The following CXCL1 variants were observed in gnomAD, a reference collection of about 807,000 sequenced individuals.
The protein encoded by CXCL1 is growth-regulated alpha protein.
In CXCL1, 9 loss-of-function variants were observed where a neutral mutation model predicts 11.7. That is an observed-to-expected ratio of 0.77 (90% confidence interval 0.46 to 1.34). The LOEUF is 1.34. CXCL1 is among the 40% of genes most tolerant of loss of function. The pLI is 0.00. For missense variants in CXCL1, 146 were observed against 138.1 expected (o/e 1.06, Z -0.29); for synonymous variants, 78 against 59.1 (o/e 1.32, Z -1.47).
In CXCL1 at chr4:73,869,891, C is replaced by T. The variant is rs202073353; in HGVS notation, c.225-15C>T. 33 of 1,614,184 alleles carry T rather than the reference C, an allele frequency of 2.0e-5. No homozygotes were observed. Among genetic ancestry groups the T allele is most frequent in the Non-Finnish European group, 2.8e-5 (33 of 1,180,026 alleles). ...GCCCGACCTCCTGCCTCACGAGATT[C>T]CCTTCCCTCTGCAGAGCCACACTCA... On this transcript the variant is annotated splice_polypyrimidine_tract_variant and intron_variant, in intron 2 of 3. Coordinates refer to ENST00000395761, the MANE Select transcript of CXCL1 (RefSeq NM_001511.4).
rs905836320 is a variant in CXCL1 at position 73,869,546 on chromosome 4, G to A, written c.76G>A (p.Val26Ile). 6.2e-7 allele frequency: 1 copy of A among 1,608,730 alleles called. No individual in the cohort carries two copies. The highest frequency in any genetic ancestry group is 1.3e-5 in the African/African-American group (1 of 74,824). Reference sequence around the variant, plus strand: ...AGTGGCACTGCTGCTCCTGCTCCTGGTAGCCGCTGGCCGGCGCGCAGCAGG... The same window carrying A: ...AGTGGCACTGCTGCTCCTGCTCCTGATAGCCGCTGGCCGGCGCGCAGCAGG... The part of the protein sequence containing the change: ...LRVALLLLLL[V>I]AAGRRAAGAS... Residue 26 changes from valine (V) to isoleucine (I), a missense_variant, in exon 1 of 4, where the codon GTA (valine) becomes ATA (isoleucine). Val to Ile is a conservative substitution (Grantham distance 29, BLOSUM62 3). Transcript: ENST00000395761.
rs773967165 is a variant in CXCL1, at chr4:73,870,533, C to T, written c.321C>T (p.Asn107=). 4.3e-6 allele frequency: 7 copies of T among 1,613,756 alleles called. No individual in the cohort carries two copies. Among genetic ancestry groups the T allele is most frequent in the Non-Finnish European group, 5.1e-6 (6 of 1,179,844 alleles). ...TTTCTCATTGCAGTGACAAATCCAA[C>T]TGACCAGAAGGGAGGAGGAAGCTCA... The part of the protein sequence containing the change: ...IEKMLNSDKS[N] Residue 107 remains asparagine, a synonymous_variant, in exon 4 of 4, where the codon AAC becomes AAT. Coordinates refer to ENST00000395761, the MANE Select transcript of CXCL1 (RefSeq NM_001511.4).
chr4:73,870,491 C>T (rs1377600526), intron 3 of CXCL1, 30 bp from the exon 4 acceptor site: 1 of 1,613,732 alleles, frequency 6.2e-7, no homozygotes, highest in Admixed American at 1.7e-5. Flanking sequence ...TCCCGAGCAC[C>T]TACTCAGGGC....
chr4:73,869,823 C>A (rs201503086), intron 2 of CXCL1, 31 bp downstream of exon 2: 4 of 1,613,626 alleles, frequency 2.5e-6, no homozygotes, highest in East Asian at 2.2e-5. Context: ...CCTCTGCCAC[C>A]GCCGGGGTCC....
intron 3 of CXCL1, 100 bp downstream of exon 3, chr4:73,870,089 T>C: frequency 8.7e-7 from 1 of 1,154,486 alleles, no homozygotes; most frequent in Non-Finnish European, 1.3e-6. Context: ...CAGGGGTTAG[T>C]TGAAGGACTA....
Position 73,869,641 on chromosome 4 carries a change from C to T in CXCL1, c.101-28C>T, listed in dbSNP as rs201794779. 3.7e-6 allele frequency: 6 copies of T among 1,614,054 alleles called. No homozygotes were observed. In the South Asian group the frequency reaches 4.4e-5, roughly 12 times the overall value. On this transcript the variant is annotated intron_variant, in intron 1 of 3. Transcript: ENST00000395761. ...TAGGCACCCAGCGCCGACAGCCTCG[C>T]TCAGTCAGTGAGTCTCTTCTTCCCT... is the stretch of plus-strand genomic sequence containing the variant.
In CXCL1 at chr4:73,870,869, C is replaced by T; in HGVS notation, c.*333C>T. On this transcript the variant is annotated 3_prime_UTR_variant, in exon 4 of 4. Coordinates refer to ENST00000395761, the MANE Select transcript of CXCL1 (RefSeq NM_001511.4). ...AGGTAGAATGTTTTCAAATGTTCTC[C>T]AGTCATTATGTTAATATTTCTGAGG... 2 of 223,678 alleles carry T rather than the reference C, an allele frequency of 8.9e-6. 1 individual carries two copies. Among genetic ancestry groups the T allele is most frequent in the Non-Finnish European group, 1.8e-5 (2 of 111,274 alleles). The allele number at this position is 223,678 out of a possible 1,614,324, so 13.9% of individuals were successfully genotyped here. A position where few individuals can be genotyped will look rare whatever the true frequency, so the allele number is the denominator to read the frequency against.
In CXCL1 at chr4:73,870,711, A is replaced by T; in HGVS notation, c.*175A>T. ...ATTTATTTATTCATTAGTTTTGAAG[A>T]TTCTATGTTAATATTTTAGGTGTAA... On this transcript the variant is annotated 3_prime_UTR_variant, in exon 4 of 4. Coordinates refer to ENST00000395761, the MANE Select transcript of CXCL1 (RefSeq NM_001511.4). The T allele has an allele frequency of 1.5e-6, 1 of 677,408 alleles. No individual in the cohort carries two copies. Among genetic ancestry groups the T allele is most frequent in the East Asian group, 2.8e-5 (1 of 35,460 alleles). 42.0% of individuals were successfully genotyped at this position (677,408 alleles called of 1,614,324 possible).
intron 3 of CXCL1, chr4:73,870,247 C>G: frequency 1.6e-6 from 1 of 617,410 alleles, no homozygotes; most frequent in South Asian, 2.0e-5. Context: ...CATTTGAGGC[C>G]CAGTAGGACA....
intron 3 of CXCL1, 197 bp from the exon 4 acceptor site, chr4:73,870,324 C>CCCATA: frequency 1.6e-6 from 1 of 616,656 alleles, no homozygotes; most frequent in Non-Finnish European, 2.8e-6. Flanking sequence ...CACCCCACCC[C>CCCATA]CATTCCTAAA....
rs200382055 is a variant in CXCL1 at position 73,869,478 on chromosome 4, G to C, written c.8G>C (p.Arg3Pro). The C allele has an allele frequency of 8.3e-6, 13 of 1,564,442 alleles. No homozygotes were observed. The highest frequency in any genetic ancestry group is 1.1e-5 in the Non-Finnish European group (13 of 1,156,332). MARAALSAAPSNP... is the reference protein window; with the variant it reads MAPAALSAAPSNP... ...ACCCGCCTGCTGAGCCCCATGGCCC[G>C]CGCTGCTCTCTCCGCCGCCCCCAGC... The change falls in exon 1 of 4, where the codon CGC becomes CCC. Residue 3 changes from arginine to proline, a missense_variant. Arg to Pro is a moderately radical substitution (Grantham distance 103). Transcript: ENST00000395761.
Position 73,869,764 on chromosome 4 carries a change from G to C in CXCL1, c.196G>C (p.Gly66Arg), listed in dbSNP as rs1326063809. ...NIQSVNVKSP[G>R]PHCAQTEVIA... Reference sequence around the variant, plus strand: ...CCAAAGTGTGAACGTGAAGTCCCCCGGACCCCACTGCGCCCAAACCGAAGT... The same window carrying C: ...CCAAAGTGTGAACGTGAAGTCCCCCCGACCCCACTGCGCCCAAACCGAAGT... The change falls in exon 2 of 4, where the codon GGA becomes CGA. Residue 66 changes from glycine to arginine, a missense_variant. Coordinates refer to ENST00000395761, the MANE Select transcript of CXCL1 (RefSeq NM_001511.4). The C allele has an allele frequency of 1.9e-6, 3 of 1,613,850 alleles. No homozygotes were observed. The highest frequency in any genetic ancestry group is 2.7e-5 in the African/African-American group (2 of 74,902).
chr4:73,870,291 T>C lies in CXCL1; in HGVS notation c.309-230T>C, dbSNP rs573028021. 30 of 620,100 alleles carry C rather than the reference T, an allele frequency of 4.8e-5. 1 individual carries two copies. The highest frequency in any genetic ancestry group is 3.7e-4 in the African/African-American group (20 of 54,182). 38.4% of individuals were successfully genotyped at this position (620,100 alleles called of 1,614,324 possible). A position where few individuals can be genotyped will look rare whatever the true frequency, so the allele number is the denominator to read the frequency against. ...CAGGTTCTGGCTGTTTTTAATCCAA[T>C]AGTACAGTGGAGACCACCGCCCCAC... On this transcript the variant is annotated intron_variant, in intron 3 of 3. Transcript: ENST00000395761.
At position 73,869,715 on chromosome 4, in the gene CXCL1, G is replaced by T. The variant is rs1731894993; in HGVS notation, c.147G>T (p.Leu49=). The change falls in exon 2 of 4, where the codon CTG becomes CTT. Residue 49 remains leucine, a synonymous_variant. Transcript: ENST00000395761. ...TELRCQCLQT[L]QGIHPKNIQS... is the part of the protein sequence containing the mutation. Reference sequence around the variant, plus strand: ...TGCGCTGCCAGTGCTTGCAGACCCTGCAGGGAATTCACCCCAAGAACATCC... The same window carrying T: ...TGCGCTGCCAGTGCTTGCAGACCCTTCAGGGAATTCACCCCAAGAACATCC... 1.2e-6 allele frequency: 2 copies of T among 1,614,186 alleles called. No individual in the cohort carries two copies. The highest frequency in any genetic ancestry group is 1.1e-5 in the South Asian group (1 of 91,086).
rs1309038979 is a variant in CXCL1 at position 73,869,398 on chromosome 4, G to T, written c.-73G>T. ...TTCGCGGATCTCGGAGAGCCACAGAGCCCGGGCCGCAGGCACCTCCTCGCC... is the reference window on the plus strand; with the variant it reads ...TTCGCGGATCTCGGAGAGCCACAGATCCCGGGCCGCAGGCACCTCCTCGCC... On this transcript the variant is annotated 5_prime_UTR_variant, in exon 1 of 4. Transcript: ENST00000395761. The T allele has an allele frequency of 1.7e-5, 25 of 1,500,528 alleles. No homozygotes were observed. Among genetic ancestry groups the T allele is most frequent in the Non-Finnish European group, 1.9e-5 (21 of 1,114,642 alleles). 93.0% of individuals were successfully genotyped at this position (1,500,528 alleles called of 1,614,324 possible).
chr4:73,870,109 A>G, intron 3 of CXCL1, 120 bp downstream of exon 3: 1 of 995,836 alleles, frequency 1.0e-6, no homozygotes, highest in East Asian at 2.6e-5. Flanking sequence ...AGAAATTGGG[A>G]TTATTGTTTT....
At chr4:73,870,235 T>C in intron 3 of CXCL1, 1 of 623,296 alleles carries the variant, frequency 1.6e-6, no homozygotes. Context: ...TAAAACTGCC[T>C]TCATTTGAGG....
intron 3 of CXCL1, 106 bp downstream of exon 3, chr4:73,870,095 G>T: frequency 9.1e-7 from 1 of 1,102,996 alleles, no homozygotes; most frequent in Non-Finnish European, 1.3e-6. Flanking sequence ...TTAGTTGAAG[G>T]ACTAGAAATT....
At chr4:73,870,023 G>T in intron 3 of CXCL1, 34 bp downstream of exon 3, 3 of 1,606,616 alleles carry the variant, frequency 1.9e-6, no homozygotes, top group East Asian at 4.5e-5. Context: ...CAGGCGACTG[G>T]AGCCGTTGGT....
Sources: allele counts gnomAD v4.1 joint callset, GRCh38; gene constraint gnomAD v4.1.1; transcripts MANE v1.5; gene names NCBI Gene and HGNC (gene_info 2026-07-23, HGNC 2026-07-21).